GALNT1: variants seen among roughly 807,000 people sequenced by gnomAD.
GALNT1 encodes GalNAc transferase 1.
Under a neutral mutation model 65.7 loss-of-function variants are expected in GALNT1, and 17 were observed. That is an observed-to-expected ratio of 0.26 (90% CI 0.18 to 0.39). The LOEUF (loss-of-function observed/expected upper bound fraction) is 0.39, where lower values mean the gene tolerates loss of function less well. Ranked by LOEUF, GALNT1 falls within the 10% of genes least tolerant of loss-of-function variation. The probability of loss-of-function intolerance (pLI) is 1.00; values close to 1 mark genes in which losing one functional copy is unlikely to be tolerated. For synonymous variants in GALNT1, 210 were observed against 219.7 expected (o/e 0.96, Z 0.39); for missense variants, 460 against 672.8 (o/e 0.68, Z 3.50).
chr18:35,634,174 ATTTAG>A (rs1415845983), intron 1 of GALNT1, among the ~76,000 whole-genome samples: 1 of 151,258 alleles, frequency 6.6e-6, no homozygotes, highest in Non-Finnish European at 1.5e-5. Flanking sequence ...TCATTTTCTC[ATTTAG>A]TTTAGTGCAA....
intron 9 of GALNT1, chr18:35,702,689 C>A: frequency 2.9e-6 from 1 of 339,846 alleles, no homozygotes; most frequent in Non-Finnish European, 5.4e-6. Flanking sequence ...TAAGGATTTT[C>A]CCCCATAAAC....
intron 1 of GALNT1, among the ~76,000 whole-genome samples, chr18:35,600,330 A>G (rs934251583): frequency 1.3e-5 from 2 of 151,298 alleles, no homozygotes; most frequent in African/African-American, 4.9e-5. Context: ...GTTTTGTTTG[A>G]TGTTGGTGTG....
intron 1 of GALNT1, among the ~76,000 whole-genome samples, chr18:35,641,519 A>G (rs2047163529): frequency 6.6e-6 from 1 of 152,348 alleles, no homozygotes; most frequent in African/African-American, 2.4e-5. Context: ...GACTAACAAG[A>G]AAAACACAAA....
intron 1 of GALNT1, among the ~76,000 whole-genome samples, chr18:35,645,565 C>G (rs181588031): frequency 6.6e-5 from 10 of 152,198 alleles, no homozygotes; most frequent in Admixed American, 6.5e-4. Context: ...TTATAACTAC[C>G]ATATAGGAGC....
intron 11 of GALNT1, among the ~76,000 whole-genome samples, chr18:35,704,331 G>T: frequency 6.7e-6 from 1 of 148,808 alleles, no homozygotes. Context: ...TTTTTTTGAG[G>T]CAGGGTCTTG....
intron 1 of GALNT1, among the ~76,000 whole-genome samples, chr18:35,591,310 G>A (rs1267905680): frequency 6.6e-6 from 1 of 152,190 alleles, no homozygotes; most frequent in Non-Finnish European, 1.5e-5. Context: ...CTATGCTGTG[G>A]TAATAGTAAG....
At chr18:35,703,064 C>T in intron 10 of GALNT1, 69 bp downstream of exon 10, 1 of 815,838 alleles carries the variant, frequency 1.2e-6, no homozygotes, top group South Asian at 2.2e-5. Flanking sequence ...TTTTTTTATA[C>T]CATGACATCA....
chr18:35,690,372 T>C (rs1224870934), intron 7 of GALNT1, among the ~76,000 whole-genome samples: 1 of 152,188 alleles, frequency 6.6e-6, no homozygotes, highest in Non-Finnish European at 1.5e-5. Flanking sequence ...ATCTGGCTGG[T>C]TACTCCATGG....
chr18:35,632,353 T>G (rs1206281058), intron 1 of GALNT1, among the ~76,000 whole-genome samples: 3 of 151,992 alleles, frequency 2.0e-5, no homozygotes, highest in Non-Finnish European at 4.4e-5. Flanking sequence ...AAAACAGAGA[T>G]ATAGACCAAT....
rs538591205 is a variant in GALNT1, at chr18:35,659,612, A to C, written c.140-4016A>C. Among the ~76,000 whole-genome samples the C allele has an allele frequency of 1.2e-3, 185 of 152,256 alleles. 1 individual carries two copies. The highest frequency in any genetic ancestry group is 4.2e-3 in the African/African-American group (175 of 41,558). On this transcript the variant is annotated intron_variant, in intron 2 of 11. Transcript: ENST00000269195. ...GTTATATAGAGTGTTCAGTATTTTT[A>C]AAGATGCAGTTTCAAGTAGTAATTG... is the stretch of plus-strand genomic sequence containing the variant.
At chr18:35,581,673 A>C (rs1414618302), upstream of GALNT1, 1 of 30,830 alleles carries the variant, frequency 3.2e-5, no homozygotes, top group African/African-American at 1.4e-4. Flanking sequence ...CCGGGCGCGG[A>C]GGCGGGGGCG....
In GALNT1 at chr18:35,703,593, C is replaced by G. The variant is rs756266958; in HGVS notation, c.1483C>G (p.Leu495Val). 15 of 1,613,894 alleles carry G rather than the reference C, an allele frequency of 9.3e-6. No individual in the cohort carries two copies. The highest frequency in any genetic ancestry group is 1.6e-4 in the Middle Eastern group (1 of 6,080). The change falls in exon 11 of 12, where the codon CTC (leucine) becomes GTC (valine). Residue 495 changes from leucine (L) to valine (V), a missense_variant. Coordinates refer to ENST00000269195, the MANE Select transcript of GALNT1 (RefSeq NM_020474.4). ...CAAACTTAATGGCCCAGTTACAATG[C>G]TCAAATGCCACCACCTAAAAGGCAA... ...VSKLNGPVTM[L>V]KCHHLKGNQL... is the part of the protein sequence containing the mutation.
intron 2 of GALNT1, among the ~76,000 whole-genome samples, chr18:35,658,227 A>G (rs944219160): frequency 4.6e-5 from 7 of 152,134 alleles, no homozygotes; most frequent in African/African-American, 1.7e-4. Context: ...TCTGGAGGAG[A>G]GCTAGACTTC....
chr18:35,640,752 A>T (rs1023054594), intron 1 of GALNT1, among the ~76,000 whole-genome samples: 1 of 152,198 alleles, frequency 6.6e-6, no homozygotes, highest in Non-Finnish European at 1.5e-5. Flanking sequence ...AGATCAATAG[A>T]AGAGAATATG....
chr18:35,666,118 A>G (rs2047546351), intron 3 of GALNT1, among the ~76,000 whole-genome samples: 1 of 152,202 alleles, frequency 6.6e-6, no homozygotes, highest in Admixed American at 6.5e-5. Flanking sequence ...GACAATTGAT[A>G]GGAAGTTTGG....
intron 4 of GALNT1, among the ~76,000 whole-genome samples, chr18:35,679,050 T>C (rs1568030821): frequency 6.6e-6 from 1 of 152,166 alleles, no homozygotes; most frequent in Non-Finnish European, 1.5e-5. Flanking sequence ...TATAATACAT[T>C]ATATAATTAC....
At position 35,709,947 on chromosome 18, in the gene GALNT1, C is replaced by A; in HGVS notation, c.*177C>A. The A allele has an allele frequency of 1.5e-6, 1 of 663,420 alleles. No individual in the cohort carries two copies. Among genetic ancestry groups the A allele is most frequent in the Non-Finnish European group, 2.5e-6 (1 of 398,344 alleles). The allele number at this position is 663,420 out of a possible 1,614,324, so 41.1% of individuals were successfully genotyped here. On this transcript the variant is annotated 3_prime_UTR_variant, in exon 12 of 12. Transcript: ENST00000269195. The stretch of plus-strand genomic sequence containing the variant: ...AGCTTTTCACTAGCTGTGAACCAGC[C>A]TTCCTGTCCATGGACGTGAAACTGC...
intron 9 of GALNT1, among the ~76,000 whole-genome samples, chr18:35,700,258 C>T (rs915749908): frequency 6.6e-6 from 1 of 152,184 alleles, no homozygotes; most frequent in Non-Finnish European, 1.5e-5. Context: ...ACAAAGAAGC[C>T]ACATATTTGT....
intron 5 of GALNT1, among the ~76,000 whole-genome samples, chr18:35,684,183 C>T (rs1438066106): frequency 6.6e-6 from 1 of 152,178 alleles, no homozygotes; most frequent in African/African-American, 2.4e-5. Context: ...TGACTTCAGT[C>T]TGCTAGACCT....
Sources: gnomAD v4.1 joint callset for allele counts (sites outside exome capture counted in the v4.1 genomes callset) on GRCh38, gnomAD v4.1.1 for gene constraint, MANE v1.5 for transcripts, NCBI Gene and HGNC (gene_info 2026-07-23, HGNC 2026-07-21) for gene names.